The following CTNNA2 variants were observed in gnomAD, a reference collection of about 807,000 sequenced individuals.
The protein encoded by CTNNA2 is catenin alpha-2.
A neutral mutation model predicts 101.0 loss-of-function variants in CTNNA2; 42 were observed. The ratio of observed to expected loss-of-function variants is 0.42; its 90% CI spans 0.32 to 0.54. CTNNA2 has a LOEUF of 0.54. CTNNA2 is among the 20% of genes least tolerant of loss of function. The pLI is 0.14. For synonymous variants in CTNNA2, 450 were observed against 456.4 expected (o/e 0.99, Z 0.18); for missense variants, 871 against 1,223.1 (o/e 0.71, Z 4.29).
chr2:80,623,665 G>C (rs546404020), intron 18 of CTNNA2, among the ~76,000 whole-genome samples: 1 of 151,848 alleles, frequency 6.6e-6, no homozygotes, highest in Non-Finnish European at 1.5e-5. Context: ...TAAAATGCAC[G>C]ATCCTGGGCC....
intron 18 of CTNNA2, among the ~76,000 whole-genome samples, chr2:80,642,679 TTGAA>T (rs1163755620): frequency 2.0e-4 from 30 of 152,326 alleles, no homozygotes; most frequent in African/African-American, 7.2e-4. Context: ...TAAGTCCTGT[TTGAA>T]TGAAGTAGCA....
intron 4 of CTNNA2, among the ~76,000 whole-genome samples, chr2:79,470,635 T>C (rs1670987857): frequency 6.6e-6 from 1 of 152,216 alleles, no homozygotes; most frequent in Non-Finnish European, 1.5e-5. Context: ...ATTGACATGC[T>C]GGATGTTTTG....
At chr2:80,430,484 G>T (rs1488895111) in intron 9 of CTNNA2, among the ~76,000 whole-genome samples, 1 of 152,112 alleles carries the variant, frequency 6.6e-6, no homozygotes, top group Non-Finnish European at 1.5e-5. Flanking sequence ...AAGTTCCCTG[G>T]GGTCCATGTT....
chr2:79,987,999 A>G (rs1691886169), intron 7 of CTNNA2, among the ~76,000 whole-genome samples: 1 of 152,204 alleles, frequency 6.6e-6, no homozygotes, highest in Admixed American at 6.5e-5. Flanking sequence ...GTTGGGACAG[A>G]CTTTCTAAAT....
At chr2:79,678,339 C>T (rs1200665641) in intron 2 of CTNNA2, among the ~76,000 whole-genome samples, 1 of 151,924 alleles carries the variant, frequency 6.6e-6, no homozygotes, top group Admixed American at 6.6e-5. Context: ...CTCAGGAGTT[C>T]GAGTACAGCC....
chr2:79,408,294 TTA>T (rs1678362633), intron 4 of CTNNA2, among the ~76,000 whole-genome samples: 2 of 22,624 alleles, frequency 8.8e-5, no homozygotes, highest in Admixed American at 3.6e-4. Context: ...AATAAATTTA[TTA>T]TTATTATTAT....
chr2:80,457,066 A>AT (rs986889134), intron 9 of CTNNA2, among the ~76,000 whole-genome samples: 1 of 150,874 alleles, frequency 6.6e-6, no homozygotes, highest in Non-Finnish European at 1.5e-5. Context: ...ATCATTATAC[A>AT]TTTTTTTTTA....
intron 7 of CTNNA2, among the ~76,000 whole-genome samples, chr2:80,286,084 G>A (rs1298567760): frequency 1.3e-5 from 2 of 152,064 alleles, no homozygotes; most frequent in African/African-American, 4.8e-5. Context: ...TGATCTTCAG[G>A]CCACCTGATT....
chr2:80,571,019 C>T (rs1310660809), intron 12 of CTNNA2, among the ~76,000 whole-genome samples: 1 of 152,080 alleles, frequency 6.6e-6, no homozygotes, highest in East Asian at 1.9e-4. Context: ...GTGGTTTTAG[C>T]GAGATGGCAA....
At chr2:79,533,155 A>T (rs1291732562) in intron 1 of CTNNA2, among the ~76,000 whole-genome samples, 1 of 151,714 alleles carries the variant, frequency 6.6e-6, no homozygotes, top group Non-Finnish European at 1.5e-5. Flanking sequence ...TTCTCCTCCT[A>T]ACTGCTATAT....
intron 7 of CTNNA2, among the ~76,000 whole-genome samples, chr2:80,378,502 G>A (rs1028687832): frequency 9.9e-5 from 15 of 151,018 alleles, no homozygotes; most frequent in Admixed American, 2.0e-4. Context: ...CAAATGCAAG[G>A]CATGATCACA....
At position 79,940,087 on chromosome 2, in the gene CTNNA2, C is replaced by T. The variant is rs181879807; in HGVS notation, c.1056+30290C>T. Among the ~76,000 whole-genome samples the T allele has an allele frequency of 4.6e-5, 7 of 152,188 alleles. No homozygotes were observed. The East Asian group carries it at 1.4e-3, about 29-fold the overall frequency. ...AAACAAAACCAAACCAAACCAAAAC[C>T]AAAACAAACAAAAACCCACATGGAC... On this transcript the variant is annotated intron_variant, in intron 7 of 18. Coordinates refer to ENST00000402739, the MANE Select transcript of CTNNA2 (RefSeq NM_001282597.3).
chr2:80,290,098 T>A (rs902299880), intron 7 of CTNNA2, among the ~76,000 whole-genome samples: 1 of 152,162 alleles, frequency 6.6e-6, no homozygotes, highest in Admixed American at 6.5e-5. Flanking sequence ...CCTTACCAGA[T>A]CCTTGTGAAG....
chr2:80,088,143 A>G (rs932261002), intron 7 of CTNNA2, among the ~76,000 whole-genome samples: 3 of 152,008 alleles, frequency 2.0e-5, no homozygotes, highest in Non-Finnish European at 4.4e-5. Context: ...TTTAAGATGT[A>G]ATCATCCTAA....
At chr2:80,602,674 C>T (rs1697655117) in intron 15 of CTNNA2, among the ~76,000 whole-genome samples, 1 of 151,996 alleles carries the variant, frequency 6.6e-6, no homozygotes, top group African/African-American at 2.4e-5. Context: ...TAGGGAATAG[C>T]AAACAGATTG....
intron 7 of CTNNA2, among the ~76,000 whole-genome samples, chr2:80,117,455 A>AGTGTGTGTGTGTGT (rs59521287): frequency 0.024 from 3,484 of 145,924 alleles, 66 homozygotes; most frequent in African/African-American, 0.048. Flanking sequence ...TTCCTGTGTG[A>AGTGTGTGTGTGTGT]GTGTGTGTGT....
At chr2:80,357,492 G>A (rs887953918) in intron 7 of CTNNA2, among the ~76,000 whole-genome samples, 1 of 151,878 alleles carries the variant, frequency 6.6e-6, no homozygotes, top group Admixed American at 6.6e-5. Flanking sequence ...TCATAGAGCC[G>A]GGCACAAAGC....
At chr2:80,275,225 C>G (rs761002483) in intron 7 of CTNNA2, among the ~76,000 whole-genome samples, 1 of 152,182 alleles carries the variant, frequency 6.6e-6, no homozygotes, top group Non-Finnish European at 1.5e-5. Context: ...AAATGTCTAA[C>G]AGTAGCTCTT....
In CTNNA2 at chr2:79,916,293, G is replaced by C. The variant is rs547595463; in HGVS notation, c.1056+6496G>C. On this transcript the variant is annotated intron_variant, in intron 7 of 18. Transcript: ENST00000402739. ...AAATTAAGAGCTGCCTAATGAGATT[G>C]GTAGCTTCATTCAAGGGGAAGAGTC... Among the ~76,000 whole-genome samples, 5 of 152,166 alleles carry C rather than the reference G, an allele frequency of 3.3e-5. No homozygotes were observed. In the South Asian group the frequency reaches 8.3e-4, roughly 25 times the overall value.
Sources: gnomAD v4.1 joint callset for allele counts (sites outside exome capture counted in the v4.1 genomes callset) on GRCh38, gnomAD v4.1.1 for gene constraint, MANE v1.5 for transcripts, NCBI Gene and HGNC (gene_info 2026-07-23, HGNC 2026-07-21) for gene names.